Variants in FAM81A observed in about 807,000 individuals in gnomAD.
FAM81A encodes protein FAM81A.
A neutral mutation model predicts 46.7 loss-of-function variants in FAM81A; 19 were observed. That is an observed-to-expected ratio of 0.41 (90% CI 0.28 to 0.60). The LOEUF (loss-of-function observed/expected upper bound fraction) is 0.60. FAM81A is among the 20% of genes least tolerant of loss of function. FAM81A has a pLI of 0.34. For missense variants in FAM81A, 377 were observed against 453.5 expected (o/e 0.83, Z 1.53); for synonymous variants, 183 against 152.9 (o/e 1.20, Z -1.45).
At chr15:59,452,277 T>A (rs1482009612) in intron 1 of FAM81A, among the ~76,000 whole-genome samples, 2 of 152,148 alleles carry the variant, frequency 1.3e-5, no homozygotes, top group African/African-American at 2.4e-5. Context: ...GCTATTTCAG[T>A]GAAAATGTCC....
intron 3 of FAM81A, among the ~76,000 whole-genome samples, chr15:59,478,029 G>C (rs1225942380): frequency 6.6e-6 from 1 of 152,138 alleles, no homozygotes; most frequent in Non-Finnish European, 1.5e-5. Flanking sequence ...GGTTTAAGCC[G>C]TTATCGGTCC....
chr15:59,484,949 G>T (rs2081899422), intron 3 of FAM81A, among the ~76,000 whole-genome samples: 1 of 152,150 alleles, frequency 6.6e-6, no homozygotes, highest in Admixed American at 6.5e-5. Flanking sequence ...TGAATAAAGA[G>T]CCCTTGGGCC....
intron 2 of FAM81A, among the ~76,000 whole-genome samples, chr15:59,429,004 A>G (rs1015044385): frequency 6.6e-6 from 1 of 152,164 alleles, no homozygotes; most frequent in Non-Finnish European, 1.5e-5. Context: ...AAGGGTGCAT[A>G]TGAGGTACAT....
chr15:59,451,674 AACTCCTG>A (rs1395393808), intron 1 of FAM81A, among the ~76,000 whole-genome samples: 1 of 151,992 alleles, frequency 6.6e-6, no homozygotes, highest in East Asian at 1.9e-4. Flanking sequence ...GCTGGTGTTG[AACTCCTG>A]ACCTCAAATG....
At chr15:59,476,903 T>C (rs1235625213) in intron 3 of FAM81A, among the ~76,000 whole-genome samples, 1 of 151,776 alleles carries the variant, frequency 6.6e-6, no homozygotes, top group African/African-American at 2.4e-5. Context: ...GGGCAGATCA[T>C]GAGATCAGGA....
chr15:59,411,129 A>G (rs2141538585), intron 2 of FAM81A, among the ~76,000 whole-genome samples: 1 of 152,286 alleles, frequency 6.6e-6, no homozygotes, highest in East Asian at 1.9e-4. Flanking sequence ...ATTAGCTTTT[A>G]TAATTACTTT....
chr15:59,495,449 T>C (rs560109838), intron 4 of FAM81A, among the ~76,000 whole-genome samples: 1 of 152,370 alleles, frequency 6.6e-6, no homozygotes, highest in East Asian at 1.9e-4. Context: ...TTTCCACTTT[T>C]GACTATTTTA....
At chr15:59,453,147 C>G (rs116037290) in intron 1 of FAM81A, among the ~76,000 whole-genome samples, 3 of 152,176 alleles carry the variant, frequency 2.0e-5, no homozygotes, top group Non-Finnish European at 4.4e-5. Context: ...GGAACCAACC[C>G]TTACTGGAAG....
chr15:59,481,985 A>G (rs1322405764), intron 3 of FAM81A, among the ~76,000 whole-genome samples: 5 of 152,050 alleles, frequency 3.3e-5, no homozygotes, highest in African/African-American at 1.2e-4. Flanking sequence ...TTTTTAGAGC[A>G]TTTTTTGGTT....
intron 3 of FAM81A, among the ~76,000 whole-genome samples, chr15:59,488,510 T>A (rs1202848101): frequency 2.6e-5 from 4 of 152,222 alleles, no homozygotes; most frequent in African/African-American, 9.6e-5. Flanking sequence ...TGATCTTATA[T>A]TTGGAAAAGC....
intron 1 of FAM81A, among the ~76,000 whole-genome samples, chr15:59,442,618 C>CAAAAAAAAAAAAAAAAAAAAAAAA (rs1196305104): frequency 2.6e-5 from 2 of 76,700 alleles, no homozygotes; most frequent in African/African-American, 4.7e-5. Flanking sequence ...CTCCGTCTCT[C>CAAAAAAAAAAAAAAAAAAAAAAAA]AAAAAAAAAA....
intron 3 of FAM81A, among the ~76,000 whole-genome samples, chr15:59,465,041 G>A (rs576256293): frequency 1.3e-5 from 2 of 152,272 alleles, no homozygotes; most frequent in South Asian, 4.2e-4. Flanking sequence ...TGGATGTCCA[G>A]CTTTCCCAGC....
chr15:59,499,120 G>A (rs2082064563), intron 4 of FAM81A, among the ~76,000 whole-genome samples: 1 of 152,274 alleles, frequency 6.6e-6, no homozygotes, highest in African/African-American at 2.4e-5. Flanking sequence ...TGTGGGGTTT[G>A]ACCTTTTTTC....
intron 4 of FAM81A, among the ~76,000 whole-genome samples, chr15:59,500,493 G>A (rs1433557433): frequency 6.6e-6 from 1 of 151,694 alleles, no homozygotes; most frequent in Non-Finnish European, 1.5e-5. Context: ...TTAGAGACAG[G>A]GTCTCACTGT....
intron 4 of FAM81A, among the ~76,000 whole-genome samples, chr15:59,499,281 G>A (rs2082066055): frequency 3.9e-5 from 6 of 152,002 alleles, no homozygotes; most frequent in Admixed American, 3.9e-4. Context: ...ACCATCTGTT[G>A]TCATTTCCTT....
upstream of FAM81A, among the ~76,000 whole-genome samples, chr15:59,434,747 C>T (rs1264433168): frequency 6.6e-6 from 1 of 152,210 alleles, no homozygotes; most frequent in Non-Finnish European, 1.5e-5. Flanking sequence ...CGACAAACCA[C>T]GGTTGAGAAT....
intron 8 of FAM81A, among the ~76,000 whole-genome samples, chr15:59,520,815 T>C (rs2082320145): frequency 6.6e-6 from 1 of 152,178 alleles, no homozygotes; most frequent in Non-Finnish European, 1.5e-5. Context: ...CCATCCGCCT[T>C]GGCCTCCCAA....
At chr15:59,423,905 A>G (rs1355668029) in intron 2 of FAM81A, among the ~76,000 whole-genome samples, 2 of 152,122 alleles carry the variant, frequency 1.3e-5, no homozygotes, top group Admixed American at 6.5e-5. Context: ...AACATTTTCC[A>G]TTTTTTTAAA....
chr15:59,504,671 G>A (rs199865851), intron 4 of FAM81A, among the ~76,000 whole-genome samples: 1 of 152,054 alleles, frequency 6.6e-6, no homozygotes, highest in African/African-American at 2.4e-5. Flanking sequence ...GTATTGGCTT[G>A]TGGGTGATAT....
Sources: gnomAD v4.1 joint callset for allele counts (sites outside exome capture counted in the v4.1 genomes callset) on GRCh38, gnomAD v4.1.1 for gene constraint, MANE v1.5 for transcripts, NCBI Gene and HGNC (gene_info 2026-07-23, HGNC 2026-07-21) for gene names.